BEAN1: variants seen among roughly 807,000 people sequenced by gnomAD.
BEAN1 encodes the protein brain expressed associated with NEDD4 1, also known as protein BEAN1.
Under a neutral mutation model 17.7 loss-of-function variants are expected in BEAN1, and 17 were observed. The ratio of observed to expected loss-of-function variants is 0.96; its 90% CI spans 0.66 to 1.44. BEAN1 has a LOEUF of 1.44. Among genes scored for constraint, BEAN1 ranks in the 40% most tolerant of loss-of-function variants. The pLI is 0.00. For synonymous variants in BEAN1, 142 were observed against 151.8 expected, an observed-to-expected ratio of 0.94 and a Z score of 0.47; for missense variants, 359 against 374.1, an observed-to-expected ratio of 0.96 and a Z score of 0.33.
chr16:66,438,762 C>T (rs1189158501), intron 2 of BEAN1, among the ~76,000 whole-genome samples: 2 of 152,158 alleles, frequency 1.3e-5, no homozygotes, highest in Non-Finnish European at 1.5e-5. Flanking sequence ...CCTTTCACTT[C>T]TCCCACAGCA....
At chr16:66,489,149 G>C (rs1253642992) in intron 4 of BEAN1, among the ~76,000 whole-genome samples, 2 of 151,406 alleles carry the variant, frequency 1.3e-5, no homozygotes, top group African/African-American at 4.9e-5. Context: ...TTCAGCCTGG[G>C]CAAGAAGAGC....
intron 1 of BEAN1, among the ~76,000 whole-genome samples, chr16:66,429,759 A>T (rs1303542558): frequency 6.6e-6 from 1 of 152,080 alleles, no homozygotes; most frequent in Non-Finnish European, 1.5e-5. Context: ...TGTCTTCCAA[A>T]ATCCTCACTC....
intron 2 of BEAN1, among the ~76,000 whole-genome samples, chr16:66,438,707 A>G (rs1962129767): frequency 6.6e-6 from 1 of 151,938 alleles, no homozygotes; most frequent in Non-Finnish European, 1.5e-5. Flanking sequence ...CTTCTCCCCT[A>G]GTCTCCACCC....
chr16:66,465,972 C>T (rs905712520), intron 2 of BEAN1, among the ~76,000 whole-genome samples: 2 of 152,236 alleles, frequency 1.3e-5, no homozygotes, highest in African/African-American at 4.8e-5. Context: ...GCCACCACAC[C>T]TGGCTAACTT....
At chr16:66,477,492 C>T in intron 3 of BEAN1, 68 bp from the exon 4 acceptor site, 2 of 1,412,982 alleles carry the variant, frequency 1.4e-6, no homozygotes. Flanking sequence ...CCAGGTAGAC[C>T]TACAGACCCA....
At chr16:66,489,063 T>A (rs1276696115) in intron 4 of BEAN1, among the ~76,000 whole-genome samples, 2 of 151,814 alleles carry the variant, frequency 1.3e-5, no homozygotes, top group Non-Finnish European at 2.9e-5. Flanking sequence ...TTCCAGCTAC[T>A]TGGGAGTCTG....
downstream of BEAN1, among the ~76,000 whole-genome samples, chr16:66,486,422 T>C (rs1567513153): frequency 6.6e-6 from 1 of 152,078 alleles, no homozygotes; most frequent in East Asian, 1.9e-4. Flanking sequence ...CCCAGCTAAA[T>C]TTTTGTATTT....
downstream of BEAN1, chr16:66,484,781 G>C (rs1964063382): frequency 2.2e-6 from 1 of 454,046 alleles, no homozygotes; most frequent in African/African-American, 2.0e-5. The surrounding 1 kb of genome is among the most constrained non-coding windows in gnomAD (Gnocchi z 4.2). Context: ...CTGAGACACA[G>C]AGTAGAACGC....
chr16:66,460,186 G>A (rs1457268662), intron 2 of BEAN1, among the ~76,000 whole-genome samples: 1 of 152,234 alleles, frequency 6.6e-6, no homozygotes, highest in Non-Finnish European at 1.5e-5. Context: ...CAGAGCGCTG[G>A]AGAGTGCCAG....
At chr16:66,435,389 C>T (rs976914612) in intron 1 of BEAN1, among the ~76,000 whole-genome samples, 2 of 152,242 alleles carry the variant, frequency 1.3e-5, no homozygotes, top group Non-Finnish European at 2.9e-5. Context: ...ACATTAGGCA[C>T]ATGCAGGTAT....
At chr16:66,449,918 AATATG>A (rs1416859479) in intron 2 of BEAN1, among the ~76,000 whole-genome samples, 3 of 152,194 alleles carry the variant, frequency 2.0e-5, no homozygotes, top group Non-Finnish European at 4.4e-5. Flanking sequence ...TATCTAAAAT[AATATG>A]ATGATCAAAT....
At chr16:66,480,146 T>A (rs73596609) in intron 4 of BEAN1, among the ~76,000 whole-genome samples, 3,546 of 152,162 alleles carry the variant, frequency 0.023, 143 homozygotes, top group African/African-American at 0.082. Context: ...TTGCTCTGCA[T>A]CTGTGGGTTC....
At chr16:66,484,790 G>A (rs1041139738), downstream of BEAN1, 12 of 453,972 alleles carry the variant, frequency 2.6e-5, no homozygotes, top group Non-Finnish European at 4.0e-5. This position sits in a 1 kb window ranked among gnomAD's most constrained non-coding sequence, Gnocchi z 4.2. Flanking sequence ...AGAGTAGAAC[G>A]CACCTCAAAG....
In BEAN1 at chr16:66,477,691, T is replaced by G. The variant is rs757674893; in HGVS notation, c.421T>G (p.Tyr141Asp). Reference protein sequence around the residue: ...DVDATVLRELYPDSPPGYEEC... With the variant: ...DVDATVLRELDPDSPPGYEEC... ...GGATGCCACGGTGCTCAGGGAGCTGTACCCAGATTCTCCACCAGGGTAAGG... is the reference window on the plus strand; with the variant it reads ...GGATGCCACGGTGCTCAGGGAGCTGGACCCAGATTCTCCACCAGGGTAAGG... The change falls in exon 4 of 5, where the codon TAC (tyrosine) becomes GAC (aspartate). Residue 141 changes from tyrosine to aspartate, a missense_variant. Coordinates refer to ENST00000536005, the MANE Select transcript of BEAN1 (RefSeq NM_001178020.3). The G allele has an allele frequency of 1.1e-5, 17 of 1,548,712 alleles. No individual in the cohort carries two copies. In the South Asian group the frequency reaches 2.0e-4, roughly 19 times the overall value.
At chr16:66,448,938 A>G (rs1305539350) in intron 2 of BEAN1, among the ~76,000 whole-genome samples, 1 of 152,252 alleles carries the variant, frequency 6.6e-6, no homozygotes, top group Non-Finnish European at 1.5e-5. Context: ...AGTGTCCAGG[A>G]GTTCAAGGCT....
intron 1 of BEAN1, among the ~76,000 whole-genome samples, chr16:66,433,195 A>G (rs528704842): frequency 1.3e-5 from 2 of 151,522 alleles, no homozygotes; most frequent in South Asian, 4.2e-4. Flanking sequence ...TGCAACCCCC[A>G]CCTCCCGGGT....
downstream of BEAN1, chr16:66,485,830 G>A (rs1256801662): frequency 6.5e-6 from 1 of 152,698 alleles, no homozygotes; most frequent in East Asian, 1.9e-4. Flanking sequence ...GTGTGGTGGA[G>A]TAGAAGAGCA....
intron 2 of BEAN1, among the ~76,000 whole-genome samples, chr16:66,467,357 G>A (rs944403592): frequency 1.3e-5 from 2 of 152,154 alleles, no homozygotes; most frequent in African/African-American, 4.8e-5. Context: ...GATGGCTGGA[G>A]AGGCCTCAAG....
chr16:66,451,521 T>C (rs1962672279), intron 2 of BEAN1, among the ~76,000 whole-genome samples: 1 of 152,262 alleles, frequency 6.6e-6, no homozygotes. Flanking sequence ...GTCATGAAGA[T>C]GTTCTCTGAT....
Sources: allele counts gnomAD v4.1 joint callset (sites outside exome capture counted in the v4.1 genomes callset), GRCh38; gene constraint gnomAD v4.1.1; non-coding constraint Gnocchi (gnomAD v3.1); transcripts MANE v1.5; gene names NCBI Gene and HGNC (gene_info 2026-07-23, HGNC 2026-07-21).